AXL: variants seen among roughly 807,000 people sequenced by gnomAD.
AXL encodes the protein tyrosine-protein kinase receptor UFO.
In AXL, 52 loss-of-function variants were observed where a neutral mutation model predicts 104.5. The observed-to-expected ratio is 0.50, with a 90% CI of 0.40 to 0.63. The LOEUF is 0.63. AXL is among the 20% of genes least tolerant of loss of function. The probability of loss-of-function intolerance (pLI) is 0.00; values close to 1 mark genes in which losing one functional copy is unlikely to be tolerated. For missense variants in AXL, 1,024 were observed against 1,188.5 expected, an observed-to-expected ratio of 0.86 and a Z score of 2.04; for synonymous variants, 455 against 473.7, an observed-to-expected ratio of 0.96 and a Z score of 0.51.
At chr19:41,236,105 C>T (rs1245960824) in intron 6 of AXL, among the ~76,000 whole-genome samples, 2 of 151,046 alleles carry the variant, frequency 1.3e-5, no homozygotes, top group Admixed American at 6.6e-5. Flanking sequence ...CCGAGGGGGG[C>T]GGATCACTTG....
intron 16 of AXL, 70 bp from the exon 17 acceptor site, chr19:41,253,529 G>C: frequency 8.7e-7 from 1 of 1,153,036 alleles, no homozygotes; most frequent in East Asian, 2.4e-5. Context: ...CTTGCACAGA[G>C]GGATGGAGGG....
At position 41,230,969 on chromosome 19, in the gene AXL, C is replaced by A. The variant is rs766459840; in HGVS notation, c.589C>A (p.Leu197Met). ...GPQRSLHVPGLNKTSSFSCEA... is the reference protein window; with the variant it reads ...GPQRSLHVPGMNKTSSFSCEA... ...CCTTCCCTCATATGACTCCCTAGGG[C>A]TGAACAAGACATCCTCTTTCTCCTG... Residue 197 changes from leucine to methionine, a missense_variant and splice_region_variant, in exon 5 of 20, where the codon CTG (leucine) becomes ATG (methionine). Physicochemically the swap from Leu to Met is conservative, Grantham distance 15. Transcript: ENST00000301178. The A allele has an allele frequency of 6.8e-6, 11 of 1,613,726 alleles. No homozygotes were observed. Among genetic ancestry groups the A allele is most frequent in the Non-Finnish European group, 7.6e-6 (9 of 1,179,870 alleles).
intron 6 of AXL, among the ~76,000 whole-genome samples, chr19:41,232,931 C>T (rs1217982780): frequency 2.0e-5 from 3 of 152,080 alleles, no homozygotes; most frequent in African/African-American, 7.2e-5. Context: ...CCAGATTGTC[C>T]AAGGTCACAT....
At chr19:41,226,934 C>CA (rs959522319) in intron 4 of AXL, 877 of 394,376 alleles carry the variant, frequency 2.2e-3, no homozygotes, top group Non-Finnish European at 2.7e-3. Flanking sequence ...CTCTTCTCTA[C>CA]AAAAAAAAAT....
intron 4 of AXL, among the ~76,000 whole-genome samples, chr19:41,222,960 C>A (rs12985841): frequency 0.018 from 2,635 of 147,352 alleles, 43 homozygotes; most frequent in South Asian, 0.045. Flanking sequence ...GAATGACATA[C>A]ACTGGAAGGG....
rs552070756 is a variant in AXL at position 41,239,622 on chromosome 19, T to C, written c.1286-72T>C. On this transcript the variant is annotated intron_variant, in intron 9 of 19. Coordinates refer to ENST00000301178, the MANE Select transcript of AXL (RefSeq NM_021913.5). The stretch of plus-strand genomic sequence containing the variant: ...CACTCCCTTACCCGTGCCACACCCT[T>C]ACTCCCTTACCCGTGCCACGCCAGT... The C allele has an allele frequency of 5.7e-6, 9 of 1,577,086 alleles. No individual in the cohort carries two copies. The South Asian group carries it at 7.8e-5, about 14-fold the overall frequency.
chr19:41,229,600 G>A (rs2033941098), intron 4 of AXL, among the ~76,000 whole-genome samples: 2 of 152,188 alleles, frequency 1.3e-5, no homozygotes, highest in South Asian at 4.1e-4. Flanking sequence ...AGGCCTAGCG[G>A]ACTGAGAGGT....
intron 14 of AXL, among the ~76,000 whole-genome samples, chr19:41,250,967 T>C (rs1042595870): frequency 3.3e-5 from 5 of 152,130 alleles, no homozygotes; most frequent in African/African-American, 9.7e-5. Flanking sequence ...AATGGGATGA[T>C]ACTTGTTTGG....
chr19:41,253,089 C>A, intron 16 of AXL, 122 bp downstream of exon 16: 1 of 1,068,598 alleles, frequency 9.4e-7, no homozygotes, highest in Non-Finnish European at 1.3e-6. Flanking sequence ...AGCATTTCTT[C>A]CAGCAGGGGA....
chr19:41,251,003 T>C (rs2034353345), intron 14 of AXL, among the ~76,000 whole-genome samples: 1 of 152,184 alleles, frequency 6.6e-6, no homozygotes, highest in African/African-American at 2.4e-5. Context: ...AGGGAAGTGC[T>C]GGGAAGCAGC....
chr19:41,238,634 G>A, intron 8 of AXL, 25 bp downstream of exon 8: 2 of 1,594,998 alleles, frequency 1.3e-6, no homozygotes, highest in Non-Finnish European at 1.7e-6. Flanking sequence ...TGGGATTGGA[G>A]TGGAGTGGCT....
Position 41,242,315 on chromosome 19 carries a change from CTTTTTT to C in AXL, c.1313-547_1313-542del, listed in dbSNP as rs574315254. On this transcript the variant is annotated intron_variant, in intron 10 of 19. Transcript: ENST00000301178. ...ACCACCTGAACTATCCTGGCACTCT[CTTTTTT>C]TTTTTTTTTTTTTTTTTTTTGAGAT... Among the ~76,000 whole-genome samples the C allele has an allele frequency of 3.9e-3, 329 of 83,862 alleles. 1 individual carries two copies. The highest frequency in any genetic ancestry group is 0.021 in the African/African-American group (314 of 14,712). The allele number at this position is 83,862 out of a possible 152,430, so 55.0% of individuals were successfully genotyped here.
rs2122235940 is a variant in AXL, at chr19:41,238,602, C to T, written c.1127C>T (p.Thr376Ile). The change falls in exon 8 of 20, where the codon ACC becomes ATC. Residue 376 changes from threonine (T) to isoleucine (I), a missense_variant. Thr to Ile is a moderately conservative substitution (Grantham distance 89, BLOSUM62 -1). Coordinates refer to ENST00000301178, the MANE Select transcript of AXL (RefSeq NM_021913.5). ...GYRLAYQGQD[T>I]PEVLMDIGLR... is the part of the protein sequence containing the mutation. ...CGGCTGGCGTATCAAGGCCAGGACACCCCAGAGGTGGGTGCTGCTGGTGGG... is the reference window on the plus strand; with the variant it reads ...CGGCTGGCGTATCAAGGCCAGGACATCCCAGAGGTGGGTGCTGCTGGTGGG... The T allele has an allele frequency of 6.2e-7, 1 of 1,606,846 alleles. No individual in the cohort carries two copies.
chr19:41,224,459 A>G (rs2033844421), intron 4 of AXL, among the ~76,000 whole-genome samples: 1 of 151,056 alleles, frequency 6.6e-6, no homozygotes, highest in South Asian at 2.1e-4. Context: ...TGTAGCCTCC[A>G]CCTCCTGGGC....
At chr19:41,237,923 C>T (rs2034108168) in intron 6 of AXL, 21 bp from the exon 7 acceptor site, 1 of 1,609,920 alleles carries the variant, frequency 6.2e-7, no homozygotes, top group African/African-American at 1.3e-5. Flanking sequence ...GTCCCGTCCT[C>T]ACACCCTTGC....
intron 14 of AXL, 125 bp downstream of exon 14, chr19:41,248,945 C>A: frequency 1.0e-6 from 1 of 954,928 alleles, no homozygotes; most frequent in Non-Finnish European, 1.5e-6. Flanking sequence ...GGAGCCCCTG[C>A]CAGGTACCTC....
intron 14 of AXL, among the ~76,000 whole-genome samples, chr19:41,251,300 A>G (rs1395266336): frequency 6.6e-6 from 1 of 151,896 alleles, no homozygotes; most frequent in Non-Finnish European, 1.5e-5. Flanking sequence ...GGTGGCTCAC[A>G]CTTGAAATCC....
chr19:41,231,178 C>T lies in AXL; in HGVS notation c.668-5C>T. ...CCAGGGTCAATCTCTCCCGTTTGTCCACAGTGCTCCCCCAGCAGCCCCGTA... is the reference window on the plus strand; with the variant it reads ...CCAGGGTCAATCTCTCCCGTTTGTCTACAGTGCTCCCCCAGCAGCCCCGTA... On this transcript the variant is annotated splice_polypyrimidine_tract_variant and splice_region_variant and intron_variant, in intron 5 of 19. Coordinates refer to ENST00000301178, the MANE Select transcript of AXL (RefSeq NM_021913.5). 1 of 1,611,310 alleles carries T rather than the reference C, an allele frequency of 6.2e-7. No individual in the cohort carries two copies. The highest frequency in any genetic ancestry group is 8.5e-7 in the Non-Finnish European group (1 of 1,178,464).
At position 41,221,875 on chromosome 19, in the gene AXL, G is replaced by A. The variant is rs372322012; in HGVS notation, c.410-5G>A. 318 of 1,612,912 alleles carry A rather than the reference G, an allele frequency of 2.0e-4. No homozygotes were observed. Among genetic ancestry groups the A allele is most frequent in the Non-Finnish European group, 2.2e-4 (261 of 1,179,658 alleles). On this transcript the variant is annotated splice_region_variant and splice_polypyrimidine_tract_variant and intron_variant, in intron 3 of 19. Transcript: ENST00000301178. ...CCCAGCCTCTACCACTGCCCACCCC[G>A]CTAGGCTTGCCTTACTTCCTGGAGG... is the stretch of plus-strand genomic sequence containing the variant.
Sources: allele counts gnomAD v4.1 joint callset (sites outside exome capture counted in the v4.1 genomes callset), GRCh38; gene constraint gnomAD v4.1.1; transcripts MANE v1.5; gene names NCBI Gene and HGNC (gene_info 2026-07-23, HGNC 2026-07-21).